RNF214: variants seen among roughly 807,000 people sequenced by gnomAD.
The protein encoded by RNF214 is ring finger protein 214.
In RNF214, 25 loss-of-function variants were observed where a neutral mutation model predicts 75.9. The observed-to-expected ratio is 0.33, with a 90% CI of 0.24 to 0.46. The LOEUF (loss-of-function observed/expected upper bound fraction) is 0.46. RNF214 is among the 20% of genes least tolerant of loss of function. The pLI is 1.00. For synonymous variants in RNF214, 314 were observed against 308.8 expected (o/e 1.02, Z -0.18); for missense variants, 725 against 857.5 (o/e 0.85, Z 1.93).
At chr11:117,234,938 A>G (rs565580040) in intron 2 of RNF214, among the ~76,000 whole-genome samples, 26 of 152,346 alleles carry the variant, frequency 1.7e-4, no homozygotes, top group African/African-American at 6.0e-4. Flanking sequence ...TATCTGGGAT[A>G]GGCATATGCC....
intron 4 of RNF214, among the ~76,000 whole-genome samples, chr11:117,241,114 A>G (rs898262125): frequency 6.6e-6 from 1 of 152,094 alleles, no homozygotes; most frequent in African/African-American, 2.4e-5. Flanking sequence ...TGGGAGGCAG[A>G]GATTGCAGTG....
Position 117,239,874 on chromosome 11 carries a change from C to T in RNF214, c.678+14C>T. On this transcript the variant is annotated intron_variant, in intron 4 of 14. Coordinates refer to ENST00000300650, the MANE Select transcript of RNF214 (RefSeq NM_207343.4). Reference sequence around the variant, plus strand: ...GAAAAGAATTTGGTAAGTATTTAAACTGTCCTTGTTATATGAAGCCATTAT... The same window carrying T: ...GAAAAGAATTTGGTAAGTATTTAAATTGTCCTTGTTATATGAAGCCATTAT... The T allele has an allele frequency of 2.2e-6, 3 of 1,381,932 alleles. No homozygotes were observed. The highest frequency in any genetic ancestry group is 1.0e-6 in the Non-Finnish European group (1 of 969,442). The allele number at this position is 1,381,932 out of a possible 1,614,324, so 85.6% of individuals were successfully genotyped here.
chr11:117,271,143 G>A (rs1441428419), intron 6 of RNF214, among the ~76,000 whole-genome samples: 1 of 151,074 alleles, frequency 6.6e-6, no homozygotes, highest in Non-Finnish European at 1.5e-5. Flanking sequence ...CAAGTGATCC[G>A]CCTGCCTCAG....
intron 6 of RNF214, among the ~76,000 whole-genome samples, chr11:117,271,725 A>G (rs1468002475): frequency 6.6e-6 from 1 of 152,232 alleles, no homozygotes; most frequent in Non-Finnish European, 1.5e-5. Flanking sequence ...GGAGTTGATC[A>G]GTTCTCATTA....
At chr11:117,243,053 A>G (rs2033121691) in intron 4 of RNF214, among the ~76,000 whole-genome samples, 1 of 152,240 alleles carries the variant, frequency 6.6e-6, no homozygotes, top group Non-Finnish European at 1.5e-5. Flanking sequence ...GCTGTTTGGG[A>G]CACATTAGTC....
intron 6 of RNF214, among the ~76,000 whole-genome samples, chr11:117,274,209 T>C (rs919260299): frequency 5.9e-5 from 9 of 152,098 alleles, no homozygotes; most frequent in African/African-American, 2.2e-4. Flanking sequence ...AACAGTTTAT[T>C]TACATGTGCA....
intron 6 of RNF214, among the ~76,000 whole-genome samples, chr11:117,276,346 A>G (rs1271549112): frequency 1.3e-5 from 2 of 152,212 alleles, no homozygotes; most frequent in African/African-American, 4.8e-5. Flanking sequence ...ACAGTGGCTC[A>G]TGCTTGTAAT....
chr11:117,250,516 C>T (rs2033342885), intron 6 of RNF214, among the ~76,000 whole-genome samples: 1 of 151,570 alleles, frequency 6.6e-6, no homozygotes, highest in Non-Finnish European at 1.5e-5. Context: ...AGTTAAGTGT[C>T]ATGATGTAAA....
chr11:117,236,761 A>G (rs567717882), intron 2 of RNF214, among the ~76,000 whole-genome samples: 47 of 152,368 alleles, frequency 3.1e-4, no homozygotes, highest in Non-Finnish European at 6.2e-4. Context: ...TTTCCAAGCT[A>G]TGTTGGAGTC....
chr11:117,282,704 T>C (rs2305821), intron 12 of RNF214, 42 bp from the exon 13 acceptor site: 104,712 of 1,580,790 alleles, frequency 0.066, 4,138 homozygotes, highest in African/African-American at 0.14. Flanking sequence ...GCTCTGTTAC[T>C]CAGACTCTCT....
At chr11:117,242,722 G>A (rs559778476) in intron 4 of RNF214, among the ~76,000 whole-genome samples, 7 of 152,292 alleles carry the variant, frequency 4.6e-5, no homozygotes, top group East Asian at 1.9e-4. Flanking sequence ...ACGTGGTGGC[G>A]GGTGCCTGTA....
chr11:117,264,889 C>A (rs2033761059), intron 6 of RNF214, among the ~76,000 whole-genome samples: 1 of 151,812 alleles, frequency 6.6e-6, no homozygotes, highest in Non-Finnish European at 1.5e-5. Flanking sequence ...CATGGTGAAA[C>A]CTCGTCTCTA....
chr11:117,247,156 A>T (rs1272599233), intron 6 of RNF214, among the ~76,000 whole-genome samples: 1 of 152,184 alleles, frequency 6.6e-6, no homozygotes, highest in Non-Finnish European at 1.5e-5. Context: ...AAATACTTTG[A>T]AATAATAACA....
intron 6 of RNF214, among the ~76,000 whole-genome samples, chr11:117,264,191 C>T (rs1250729384): frequency 1.3e-5 from 2 of 152,054 alleles, no homozygotes; most frequent in Admixed American, 1.3e-4. Flanking sequence ...GTCGTGGTGG[C>T]GGGCGCCTGT....
chr11:117,238,773 A>G lies in RNF214; in HGVS notation c.280A>G (p.Ile94Val). Residue 94 changes from isoleucine to valine, a missense_variant, in exon 3 of 15, where the codon ATA becomes GTA. Ile to Val is a conservative substitution (Grantham distance 29). Coordinates refer to ENST00000300650, the MANE Select transcript of RNF214 (RefSeq NM_207343.4). Reference sequence around the variant, plus strand: ...CCAGGTGGTTTTAGGAGAAAACTTGATAGCCACAGCCCTTTGTCTTTCTGG... The same window carrying G: ...CCAGGTGGTTTTAGGAGAAAACTTGGTAGCCACAGCCCTTTGTCTTTCTGG... ...AHQVVLGENL[I>V]ATALCLSGSG... 5.0e-6 allele frequency: 8 copies of G among 1,614,224 alleles called. No homozygotes were observed. Among genetic ancestry groups the G allele is most frequent in the Non-Finnish European group, 6.8e-6 (8 of 1,180,042 alleles).
intron 6 of RNF214, among the ~76,000 whole-genome samples, chr11:117,250,633 T>A (rs1399501317): frequency 8.0e-5 from 12 of 149,380 alleles, no homozygotes; most frequent in South Asian, 4.2e-4. Flanking sequence ...TTTTTTTTTT[T>A]ATTGATCATT....
At chr11:117,249,829 T>C (rs1346249374) in intron 6 of RNF214, among the ~76,000 whole-genome samples, 1 of 152,240 alleles carries the variant, frequency 6.6e-6, no homozygotes, top group African/African-American at 2.4e-5. Flanking sequence ...GGTTCCCACT[T>C]TATGACTTCA....
At chr11:117,241,516 G>A (rs2033079839) in intron 4 of RNF214, among the ~76,000 whole-genome samples, 3 of 150,336 alleles carry the variant, frequency 2.0e-5, no homozygotes, top group African/African-American at 7.4e-5. Context: ...GGAGGTAGAG[G>A]TTGCAGTAAG....
At chr11:117,239,440 T>A (rs2134356774) in intron 3 of RNF214, 1 of 450,500 alleles carries the variant, frequency 2.2e-6, no homozygotes, top group African/African-American at 2.0e-5. Flanking sequence ...GAATCCTTGT[T>A]AATTCTCTGA....
Sources: gnomAD v4.1 joint callset for allele counts (sites outside exome capture counted in the v4.1 genomes callset) on GRCh38, gnomAD v4.1.1 for gene constraint, MANE v1.5 for transcripts, NCBI Gene and HGNC (gene_info 2026-07-23, HGNC 2026-07-21) for gene names.